The following PKN3 variants were observed in gnomAD, a reference collection of about 807,000 sequenced individuals.
PKN3 encodes the protein protein kinase N3, also known as serine/threonine-protein kinase N3.
Under a neutral mutation model 113.1 loss-of-function variants are expected in PKN3, and 91 were observed. The ratio of observed to expected loss-of-function variants is 0.80; its 90% confidence interval spans 0.68 to 0.96. The LOEUF is 0.96. PKN3 is among the 40% of genes least tolerant of loss of function. The pLI, the probability that PKN3 is intolerant of heterozygous loss-of-function variation, is 0.00. For missense variants in PKN3, 1,052 were observed against 1,202.2 expected (o/e 0.88, Z 1.85); for synonymous variants, 467 against 499.0 (o/e 0.94, Z 0.85).
rs773500708 is a variant in PKN3, at chr9:128,713,311, G to A, written c.1016G>A (p.Arg339His). 2.5e-6 allele frequency: 4 copies of A among 1,614,000 alleles called. No homozygotes were observed. The highest frequency in any genetic ancestry group is 2.2e-5 in the South Asian group (2 of 91,062). Residue 339 changes from arginine (R) to histidine (H), a missense_variant, in exon 8 of 22, where the codon CGT (arginine) becomes CAT (histidine). By Grantham distance (29) the Arg-to-His change is conservative. Transcript: ENST00000291906. Reference protein sequence around the residue: ...EVLAVLKVDNRVVGQTGWGQV... With the variant: ...EVLAVLKVDNHVVGQTGWGQV... ...CTGGCTGTGCTAAAGGTGGACAACCGTGTTGTGGGGCAGACGGGCTGGGGG... is the reference window on the plus strand; with the variant it reads ...CTGGCTGTGCTAAAGGTGGACAACCATGTTGTGGGGCAGACGGGCTGGGGG...
chr9:128,717,498 G>A (rs1862377873), intron 16 of PKN3, among the ~76,000 whole-genome samples: 1 of 151,438 alleles, frequency 6.6e-6, no homozygotes. Context: ...TTTGGAGGCT[G>A]AGGCGGGTGG....
At chr9:128,705,257 C>T (rs1408278347) in intron 1 of PKN3, 46 bp from the exon 2 acceptor site, 1 of 1,545,800 alleles carries the variant, frequency 6.5e-7, no homozygotes, top group Non-Finnish European at 8.7e-7. Flanking sequence ...GTGGCCGCTG[C>T]ACCCCATGGC....
chr9:128,718,886 GTTTTTTTTTTGGTTTGT>G (rs1041360542), intron 18 of PKN3, among the ~76,000 whole-genome samples: 1 of 33,004 alleles, frequency 3.0e-5, no homozygotes, highest in Non-Finnish European at 1.7e-4. Context: ...TCTGCCTTCT[GTTTTTTTTTTGGTTTGT>G]TTTTTTTTTT....
In PKN3 at chr9:128,714,323, C is replaced by T. The variant is rs969769129; in HGVS notation, c.1439C>T (p.Thr480Ile). 6.2e-7 allele frequency: 1 copy of T among 1,610,546 alleles called. No homozygotes were observed. The highest frequency in any genetic ancestry group is 8.5e-7 in the Non-Finnish European group (1 of 1,178,170). The change falls in exon 11 of 22, where the codon ACC becomes ATC. Residue 480 changes from threonine (T) to isoleucine (I), a missense_variant. Physicochemically the swap from Thr to Ile is moderately conservative, Grantham distance 89 (BLOSUM62 -1). Transcript: ENST00000291906. ...AGCCCCCCTAAAGGATGCCCTCGGA[C>T]CCCAACAACACTGCGAGAGGCCTCT... ...TISPPKGCPR[T>I]PTTLREASDP... is the part of the protein sequence containing the mutation.
intron 3 of PKN3, 52 bp from the exon 4 acceptor site, chr9:128,706,661 G>T: frequency 1.5e-6 from 2 of 1,336,438 alleles, no homozygotes; most frequent in Non-Finnish European, 1.0e-6. Flanking sequence ...GGTCTGATGG[G>T]GGAAGCTGTG....
chr9:128,704,068 G>A (rs570990702), intron 1 of PKN3: 1 of 959,164 alleles, frequency 1.0e-6, no homozygotes, highest in African/African-American at 1.8e-5. Flanking sequence ...GGGTGGGGGG[G>A]TCCCTGAGTC....
chr9:128,711,800 TG>T (rs1269148287), intron 6 of PKN3, among the ~76,000 whole-genome samples: 3 of 150,566 alleles, frequency 2.0e-5, no homozygotes, highest in Non-Finnish European at 4.4e-5. Flanking sequence ...AGTTTCACCA[TG>T]TTGGCCAGGC....
rs916757430 is a variant in PKN3, at chr9:128,707,192, G to T, written c.652-30G>T. 2.5e-6 allele frequency: 4 copies of T among 1,588,826 alleles called. No individual in the cohort carries two copies. The African/African-American group carries it at 4.0e-5, about 16-fold the overall frequency. On this transcript the variant is annotated intron_variant, in intron 5 of 21. Transcript: ENST00000291906. ...TGCTGCCCCCTGCCATATACCCCAC[G>T]AACCTGGCTCTACGTTGTCCCCTCT...
At chr9:128,712,648 CTG>C (rs1862212735) in intron 6 of PKN3, among the ~76,000 whole-genome samples, 1 of 152,332 alleles carries the variant, frequency 6.6e-6, no homozygotes, top group African/African-American at 2.4e-5. Flanking sequence ...GGTCTGAGGT[CTG>C]AGCCTATGTC....
chr9:128,716,523 G>A (rs544400905), intron 15 of PKN3, among the ~76,000 whole-genome samples: 51 of 151,848 alleles, frequency 3.4e-4, no homozygotes, highest in Admixed American at 2.9e-3. Context: ...TCTTGAACCC[G>A]GGAGGCAGAG....
At chr9:128,710,977 CT>C (rs199532029) in intron 6 of PKN3, among the ~76,000 whole-genome samples, 156 of 144,718 alleles carry the variant, frequency 1.1e-3, no homozygotes, top group Non-Finnish European at 1.1e-3. Context: ...TTGAGTTGTC[CT>C]TTTTTTTTTT....
Position 128,720,798 on chromosome 9 carries a change from T to A in PKN3, c.*192T>A. On this transcript the variant is annotated 3_prime_UTR_variant, in exon 22 of 22. Transcript: ENST00000291906. The surrounding 1 kb of genome is among the most constrained non-coding windows in gnomAD (Gnocchi z 5.5). The stretch of plus-strand genomic sequence containing the variant: ...CTGGGCAAAGTGTGTCCCTTCCCCC[T>A]CCAGCTCGCCCTCTTCTACCTCCCA... 1 of 609,926 alleles carries A rather than the reference T, an allele frequency of 1.6e-6. No individual in the cohort carries two copies. Among genetic ancestry groups the A allele is most frequent in the Admixed American group, 3.0e-5 (1 of 33,732 alleles). The allele number at this position is 609,926 out of a possible 1,614,324, so 37.8% of individuals were successfully genotyped here. A position where few individuals can be genotyped will look rare whatever the true frequency, so the allele number is the denominator to read the frequency against.
At chr9:128,719,307 A>G (rs1184036395) in intron 18 of PKN3, among the ~76,000 whole-genome samples, 1 of 151,540 alleles carries the variant, frequency 6.6e-6, no homozygotes, top group Non-Finnish European at 1.5e-5. Context: ...CTCCTGCCTC[A>G]GCCTCCCGAG....
rs200784357 is a variant in PKN3, at chr9:128,705,519, C to T, written c.241C>T (p.Pro81Ser). 1.2e-4 allele frequency: 180 copies of T among 1,557,124 alleles called. No homozygotes were observed. The highest frequency in any genetic ancestry group is 1.1e-5 in the Non-Finnish European group (13 of 1,151,234). ...GGAGCTGCACGCCCGAATCCTGCTG[C>T]CCGGCCCTGGGCCTGGCCCAGCTGG... is the stretch of plus-strand genomic sequence containing the variant. ...LRELHARILL[P>S]GPGPGPAEPV... is the part of the protein sequence containing the mutation. The change falls in exon 2 of 22, where the codon CCC becomes TCC. Residue 81 changes from proline (P) to serine (S), a missense_variant. Physicochemically the swap from Pro to Ser is moderately conservative, Grantham distance 74 (BLOSUM62 -1). This residue lies in a region of PKN3 where 719 missense variants were observed against 759.4 expected (regional missense o/e 0.95). Transcript: ENST00000291906.
Position 128,719,687 on chromosome 9 carries a change from G to T in PKN3, c.2127G>T (p.Gly709=), listed in dbSNP as rs765902430. ...KIADFGLCKE[G]IGFGDRTSTF... Reference sequence around the variant, plus strand: ...ATTGGTGTGCCTGTTGGTTTGCAGGGATCGGCTTCGGGGACCGGACTAGCA... The same window carrying T: ...ATTGGTGTGCCTGTTGGTTTGCAGGTATCGGCTTCGGGGACCGGACTAGCA... Residue 709 remains glycine, a splice_region_variant and synonymous_variant, in exon 19 of 22, where the codon GGG becomes GGT. Coordinates refer to ENST00000291906, the MANE Select transcript of PKN3 (RefSeq NM_013355.5). The T allele has an allele frequency of 1.9e-6, 3 of 1,544,522 alleles. No individual in the cohort carries two copies. Among genetic ancestry groups the T allele is most frequent in the Non-Finnish European group, 2.6e-6 (3 of 1,145,702 alleles).
chr9:128,719,873 G>GGGGGGGGGGC, intron 19 of PKN3, 37 bp from the exon 20 acceptor site: 1 of 1,570,400 alleles, frequency 6.4e-7, no homozygotes, highest in Non-Finnish European at 8.8e-7. Context: ...TGGGGGTGGG[G>GGGGGGGGGGC]TGGCCCGTGC....
Position 128,706,944 on chromosome 9 carries a change from C to T in PKN3, c.572C>T (p.Ala191Val). 1 of 1,614,182 alleles carries T rather than the reference C, an allele frequency of 6.2e-7. No homozygotes were observed. Among genetic ancestry groups the T allele is most frequent in the Non-Finnish European group, 8.5e-7 (1 of 1,180,020 alleles). Residue 191 changes from alanine to valine, a missense_variant, in exon 5 of 22, where the codon GCA becomes GTA. Around this residue, in one of 2 missense-constraint regions of PKN3, gnomAD observed 719 missense variants for 759.4 expected, o/e 0.95. Transcript: ENST00000291906. ...CTACAGCATCGACTGCACGTTGAGG[C>T]AGCTGTGGCTGAGGGCGCCAAGAAC... ...EELQHRLHVEAAVAEGAKNVV... is the reference protein window; with the variant it reads ...EELQHRLHVEVAVAEGAKNVV...
chr9:128,719,618 G>T (rs1045032996), intron 18 of PKN3, 68 bp from the exon 19 acceptor site: 8 of 1,466,500 alleles, frequency 5.5e-6, no homozygotes, highest in East Asian at 2.3e-5. Context: ...GCATCATAAG[G>T]CTTGGCTATT....
Position 128,714,305 on chromosome 9 carries a change from C to T in PKN3, c.1421C>T (p.Pro474Leu), listed in dbSNP as rs1214624572. Residue 474 changes from proline (P) to leucine (L), a missense_variant, in exon 11 of 22, where the codon CCT (proline) becomes CTT (leucine). By Grantham distance (98) the Pro-to-Leu change is moderately conservative. Coordinates refer to ENST00000291906, the MANE Select transcript of PKN3 (RefSeq NM_013355.5). ...PCSSPSTISP[P>L]KGCPRTPTTL... Reference sequence around the variant, plus strand: ...AGCTCCCCGAGCACAATCAGCCCCCCTAAAGGATGCCCTCGGACCCCAACA... The same window carrying T: ...AGCTCCCCGAGCACAATCAGCCCCCTTAAAGGATGCCCTCGGACCCCAACA... 1 of 1,612,972 alleles carries T rather than the reference C, an allele frequency of 6.2e-7. No homozygotes were observed. The highest frequency in any genetic ancestry group is 8.5e-7 in the Non-Finnish European group (1 of 1,179,500).
Sources: allele counts gnomAD v4.1 joint callset (sites outside exome capture counted in the v4.1 genomes callset), GRCh38; gene constraint gnomAD v4.1.1; regional missense constraint gnomAD v4.1.1; non-coding constraint Gnocchi (gnomAD v3.1); transcripts MANE v1.5; gene names NCBI Gene and HGNC (gene_info 2026-07-23, HGNC 2026-07-21).